The following HIP1 variants were observed in gnomAD, a reference collection of about 807,000 sequenced individuals.
The protein encoded by HIP1 is huntingtin interacting protein 1.
In HIP1, 65 loss-of-function variants were observed where a neutral mutation model predicts 147.6. The observed-to-expected ratio is 0.44, with a 90% CI of 0.36 to 0.54. The LOEUF (loss-of-function observed/expected upper bound fraction) is 0.54, where lower values mean the gene tolerates loss of function less well. Among genes scored for constraint, HIP1 ranks in the 20% least tolerant of loss-of-function variants. The pLI is 0.00. For synonymous variants in HIP1, 479 were observed against 504.0 expected (o/e 0.95, Z 0.67); for missense variants, 1,061 against 1,299.6 (o/e 0.82, Z 2.82).
intron 1 of HIP1, among the ~76,000 whole-genome samples, chr7:75,727,845 C>CAAA (rs1169732794): frequency 1.2e-4 from 8 of 67,290 alleles, no homozygotes; most frequent in Admixed American, 3.4e-4. Flanking sequence ...GACTCCATCT[C>CAAA]AAAAAAAAAA....
intron 9 of HIP1, among the ~76,000 whole-genome samples, chr7:75,563,934 C>T (rs929357765): frequency 1.4e-4 from 21 of 152,110 alleles, no homozygotes; most frequent in Non-Finnish European, 2.8e-4. Context: ...GCTCTGTCAC[C>T]CAGGCTAGAG....
At chr7:75,714,905 C>A (rs1801269957) in intron 1 of HIP1, among the ~76,000 whole-genome samples, 1 of 152,182 alleles carries the variant, frequency 6.6e-6, no homozygotes, top group African/African-American at 2.4e-5. Context: ...AATCCAGGAT[C>A]CCACGCTGCA....
At chr7:75,630,293 T>C (rs1798168768) in intron 1 of HIP1, among the ~76,000 whole-genome samples, 1 of 150,070 alleles carries the variant, frequency 6.7e-6, no homozygotes, top group Non-Finnish European at 1.5e-5. Context: ...ACTCCGTCTC[T>C]ACAAAACATA....
intron 18 of HIP1, 90 bp from the exon 19 acceptor site, chr7:75,555,641 C>T: frequency 1.4e-6 from 2 of 1,433,482 alleles, no homozygotes; most frequent in Non-Finnish European, 1.9e-6. Context: ...AGCATCTTAG[C>T]TCAAGTCATG....
intron 1 of HIP1, among the ~76,000 whole-genome samples, chr7:75,652,552 T>C (rs797040445): frequency 7.2e-5 from 11 of 152,018 alleles, no homozygotes; most frequent in African/African-American, 2.7e-4. Flanking sequence ...TTTGTAGAAA[T>C]GGTGTCTCGT....
intron 1 of HIP1, among the ~76,000 whole-genome samples, chr7:75,737,208 G>A (rs984635350): frequency 9.9e-5 from 15 of 152,116 alleles, no homozygotes; most frequent in African/African-American, 3.1e-4. Flanking sequence ...TTACAGGTGT[G>A]AGCTAATGCA....
At chr7:75,562,541 C>T (rs1038549153) in intron 11 of HIP1, among the ~76,000 whole-genome samples, 10 of 152,104 alleles carry the variant, frequency 6.6e-5, no homozygotes, top group Admixed American at 1.3e-4. Context: ...GGCATGATAA[C>T]AGCTCACTGT....
intron 1 of HIP1, among the ~76,000 whole-genome samples, chr7:75,731,043 T>G (rs1324080360): frequency 6.6e-6 from 1 of 151,832 alleles, no homozygotes; most frequent in Non-Finnish European, 1.5e-5. Flanking sequence ...TCAGTAAATG[T>G]TGACGATTAC....
At chr7:75,697,133 A>G (rs531432570) in intron 1 of HIP1, among the ~76,000 whole-genome samples, 1 of 152,224 alleles carries the variant, frequency 6.6e-6, no homozygotes, top group African/African-American at 2.4e-5. Flanking sequence ...AGCCTCGCCT[A>G]ATTTATCAAA....
intron 1 of HIP1, among the ~76,000 whole-genome samples, chr7:75,732,515 C>T (rs1475296315): frequency 6.6e-6 from 1 of 152,086 alleles, no homozygotes; most frequent in African/African-American, 2.4e-5. Flanking sequence ...GGACTACAGG[C>T]AGCACCACCA....
intron 1 of HIP1, among the ~76,000 whole-genome samples, chr7:75,662,198 G>A (rs1799343525): frequency 6.6e-6 from 1 of 152,008 alleles, no homozygotes; most frequent in Non-Finnish European, 1.5e-5. Context: ...TTGTTTGTTT[G>A]TTTGAGACAG....
At chr7:75,676,595 G>A (rs1225047302) in intron 1 of HIP1, among the ~76,000 whole-genome samples, 1 of 151,830 alleles carries the variant, frequency 6.6e-6, no homozygotes, top group Non-Finnish European at 1.5e-5. Flanking sequence ...TGGCCAACAT[G>A]GTGAAACCCC....
At chr7:75,586,190 C>G (rs1796269513) in intron 5 of HIP1, among the ~76,000 whole-genome samples, 1 of 151,162 alleles carries the variant, frequency 6.6e-6, no homozygotes, top group Admixed American at 6.6e-5. Flanking sequence ...TAGGGTTACT[C>G]TTTCTTTTTT....
intron 1 of HIP1, among the ~76,000 whole-genome samples, chr7:75,668,882 T>C (rs1385939138): frequency 6.6e-6 from 1 of 152,228 alleles, no homozygotes; most frequent in Non-Finnish European, 1.5e-5. Context: ...TTCAAGGTTA[T>C]ATAATCATCA....
intron 1 of HIP1, among the ~76,000 whole-genome samples, chr7:75,692,782 C>T (rs1366705576): frequency 6.6e-6 from 1 of 152,014 alleles, no homozygotes; most frequent in Non-Finnish European, 1.5e-5. Flanking sequence ...ACAGATACGA[C>T]ATAATTCTCT....
chr7:75,585,332 G>GCATCATCACCATGGGT (rs1563221735), intron 5 of HIP1, among the ~76,000 whole-genome samples: 4 of 151,296 alleles, frequency 2.6e-5, no homozygotes, highest in African/African-American at 9.7e-5. Flanking sequence ...CTACAGACGT[G>GCATCATCACCATGGGT]AGCTAATTTC....
At chr7:75,605,335 C>A (rs927294387) in intron 1 of HIP1, among the ~76,000 whole-genome samples, 5 of 152,056 alleles carry the variant, frequency 3.3e-5, no homozygotes, top group African/African-American at 7.2e-5. Context: ...AGTGGAAGGG[C>A]ATGGAGCATG....
intron 1 of HIP1, among the ~76,000 whole-genome samples, chr7:75,737,805 CA>C (rs1344135624): frequency 2.6e-5 from 4 of 152,112 alleles, no homozygotes; most frequent in African/African-American, 9.7e-5. Flanking sequence ...GAGGGGGACC[CA>C]AATGGATCTT....
At chr7:75,539,238 T>C in intron 30 of HIP1, 85 bp downstream of exon 30, 1 of 937,932 alleles carries the variant, frequency 1.1e-6, no homozygotes. Context: ...GGGTTCCTTG[T>C]TCTGTTCCAT....
Sources: allele counts gnomAD v4.1 joint callset (sites outside exome capture counted in the v4.1 genomes callset), GRCh38; gene constraint gnomAD v4.1.1; transcripts MANE v1.5; gene names NCBI Gene and HGNC (gene_info 2026-07-23, HGNC 2026-07-21).